Variants in TRIM54 observed in about 807,000 individuals in gnomAD.
The protein encoded by TRIM54 is tripartite motif-containing protein 54.
Under a neutral mutation model 42.0 loss-of-function variants are expected in TRIM54, and 40 were observed. That is an observed-to-expected ratio of 0.95 (90% CI 0.74 to 1.24). TRIM54 has a LOEUF of 1.24. Among genes scored for constraint, TRIM54 ranks in the 50% most tolerant of loss-of-function variants. The pLI is 0.00. For synonymous variants in TRIM54, 199 were observed against 194.9 expected (o/e 1.02, Z -0.17); for missense variants, 485 against 480.3 (o/e 1.01, Z -0.09).
rs554745768 is a variant in TRIM54 at position 27,298,614 on chromosome 2, A to G, written c.216A>G (p.Ser72=). 8 of 1,614,008 alleles carry G rather than the reference A, an allele frequency of 5.0e-6. No homozygotes were observed. The South Asian group carries it at 7.7e-5, about 16-fold the overall frequency. Reference sequence around the variant, plus strand: ...CCCGGGGCTCCACCACTGTGTCTTCAGGAGGCCGTTTCCGCTGCCCATCGT... The same window carrying G: ...CCCGGGGCTCCACCACTGTGTCTTCGGGAGGCCGTTTCCGCTGCCCATCGT... ...WQSRGSTTVS[S]GGRFRCPSCR... Residue 72 remains serine (S), a synonymous_variant, in exon 2 of 9, where the codon TCA becomes TCG. Coordinates refer to ENST00000380075, the MANE Select transcript of TRIM54 (RefSeq NM_187841.3).
Position 27,306,508 on chromosome 2 carries a change from G to T in TRIM54, c.1044G>T (p.Ala348=). 1 of 1,571,732 alleles carries T rather than the reference G, an allele frequency of 6.4e-7. No individual in the cohort carries two copies. Among genetic ancestry groups the T allele is most frequent in the East Asian group, 2.3e-5 (1 of 42,818 alleles). ...EVAPDGEEGS[A]GPEEERPDGP ...CCCCAGACGGAGAGGAGGGCAGCGCGGGGCCGGAGGAAGAGCGGCCGGATG... is the reference window on the plus strand; with the variant it reads ...CCCCAGACGGAGAGGAGGGCAGCGCTGGGCCGGAGGAAGAGCGGCCGGATG... The change falls in exon 8 of 9, where the codon GCG becomes GCT. Residue 348 remains alanine, a synonymous_variant. Transcript: ENST00000380075. The surrounding 1 kb of genome is among the most constrained non-coding windows in gnomAD (Gnocchi z 6.1).
rs144191579 is a variant in TRIM54, at chr2:27,298,708, A to C, written c.310A>C (p.Ile104Leu). 5 of 1,614,040 alleles carry C rather than the reference A, an allele frequency of 3.1e-6. No homozygotes were observed. Among genetic ancestry groups the C allele is most frequent in the East Asian group, 4.5e-5 (2 of 44,894 alleles). The change falls in exon 2 of 9, where the codon ATT becomes CTT. Residue 104 changes from isoleucine to leucine, a missense_variant. Coordinates refer to ENST00000380075, the MANE Select transcript of TRIM54 (RefSeq NM_187841.3). ...GLQRNLLVEN[I>L]IDIYKQESSR... ...GCAGCGAAACCTGCTAGTGGAGAAC[A>C]TTATCGACATTTACAAGCAGGAGTC...
rs57097129 is a variant in TRIM54 at position 27,294,889 on chromosome 2, C to CA, written c.169-3657dup. Among the ~76,000 whole-genome samples the CA allele has an allele frequency of 4.0e-3, 212 of 52,746 alleles. 8 individuals carry two copies. The highest frequency in any genetic ancestry group is 0.012 in the African/African-American group (171 of 13,836). The allele number at this position is 52,746 out of a possible 152,430, so 34.6% of individuals were successfully genotyped here. On this transcript the variant is annotated intron_variant, in intron 1 of 8. Transcript: ENST00000380075. ...TGGGCGACAGAGCAAGACTCCATCT[C>CA]AAAAAAAAAAAAAAAAAAAAAGAGT...
chr2:27,287,676 A>C lies in TRIM54; in HGVS notation c.168+4777A>C, dbSNP rs188580035. Among the ~76,000 whole-genome samples, 475 of 152,074 alleles carry C rather than the reference A, an allele frequency of 3.1e-3. 1 individual carries two copies. The highest frequency in any genetic ancestry group is 0.01 in the Middle Eastern group (3 of 294). On this transcript the variant is annotated intron_variant, in intron 1 of 8. Coordinates refer to ENST00000380075, the MANE Select transcript of TRIM54 (RefSeq NM_187841.3). ...GTAGCTAGGATTACAGGCATGTACC[A>C]CCACACTCAGCTAATTAAAAAAAAA...
chr2:27,283,770 A>ACGCGCGCGCGCACG (rs1487361341), intron 1 of TRIM54, among the ~76,000 whole-genome samples: 2 of 100,476 alleles, frequency 2.0e-5, no homozygotes, highest in South Asian at 7.9e-4. Flanking sequence ...AAAGGCACAC[A>ACGCGCGCGCGCACG]CACACACACG....
Position 27,289,701 on chromosome 2 carries a change from G to C in TRIM54, c.168+6802G>C, listed in dbSNP as rs927152822. Among the ~76,000 whole-genome samples the C allele has an allele frequency of 2.6e-5, 4 of 151,900 alleles. No individual in the cohort carries two copies. In the East Asian group the frequency reaches 7.7e-4, roughly 29 times the overall value. On this transcript the variant is annotated intron_variant, in intron 1 of 8. Transcript: ENST00000380075. ...TCTATGATATTAATATTTAATGAGG[G>C]GGATGGGAGCTATTGGGGGAAATGT...
In TRIM54 at chr2:27,298,591, C is replaced by T. The variant is rs367847502; in HGVS notation, c.193C>T (p.Arg65Trp). 2.0e-5 allele frequency: 33 copies of T among 1,613,940 alleles called. No individual in the cohort carries two copies. Among genetic ancestry groups the T allele is most frequent in the South Asian group, 3.3e-5 (3 of 91,074 alleles). ...FQASNPLWQSRGSTTVSSGGR... is the reference protein window; with the variant it reads ...FQASNPLWQSWGSTTVSSGGR... ...GGCCTCGAATCCTCTATGGCAGTCC[C>T]GGGGCTCCACCACTGTGTCTTCAGG... Residue 65 changes from arginine (R) to tryptophan (W), a missense_variant, in exon 2 of 9, where the codon CGG (arginine) becomes TGG (tryptophan). Physicochemically the swap from Arg to Trp is moderately radical, Grantham distance 101 (BLOSUM62 -3). Coordinates refer to ENST00000380075, the MANE Select transcript of TRIM54 (RefSeq NM_187841.3).
chr2:27,288,242 G>A (rs948845834), intron 1 of TRIM54, among the ~76,000 whole-genome samples: 2 of 152,206 alleles, frequency 1.3e-5, no homozygotes, highest in African/African-American at 4.8e-5. Context: ...AGGCCTTCAG[G>A]TTGAGGGAAA....
Position 27,294,163 on chromosome 2 carries a change from C to CT in TRIM54, c.169-4403dup, listed in dbSNP as rs544256399. Reference sequence around the variant, plus strand: ...TTTTGTTTTTGAGACAGGTCTCCCTCTGTCACCCATGCTGTAGTGCAGTGG... The same window carrying CT: ...TTTTGTTTTTGAGACAGGTCTCCCTCTTGTCACCCATGCTGTAGTGCAGTGG... On this transcript the variant is annotated intron_variant, in intron 1 of 8. Coordinates refer to ENST00000380075, the MANE Select transcript of TRIM54 (RefSeq NM_187841.3). Among the ~76,000 whole-genome samples, 24 of 152,230 alleles carry CT rather than the reference C, an allele frequency of 1.6e-4. No individual in the cohort carries two copies. The East Asian group carries it at 4.7e-3, about 30-fold the overall frequency.
chr2:27,287,241 C>T (rs2148188910), intron 1 of TRIM54, among the ~76,000 whole-genome samples: 1 of 152,250 alleles, frequency 6.6e-6, no homozygotes, highest in Middle Eastern at 3.4e-3. Context: ...CTCATTCTAT[C>T]ACCCAGGTTA....
rs1558579969 is a variant in TRIM54, at chr2:27,282,492, A to G, written c.-240A>G. 8.8e-6 allele frequency: 3 copies of G among 339,666 alleles called. No individual in the cohort carries two copies. Among genetic ancestry groups the G allele is most frequent in the South Asian group, 8.5e-5 (1 of 11,832 alleles). The allele number at this position is 339,666 out of a possible 1,614,324, so 21.0% of individuals were successfully genotyped here. On this transcript the variant is annotated 5_prime_UTR_variant, in exon 1 of 9. Coordinates refer to ENST00000380075, the MANE Select transcript of TRIM54 (RefSeq NM_187841.3). ...TTGGGAAACAAAAGGAGAATTTTAC[A>G]GAGAGAGAGGGATAGCTAAAACTAC... is the stretch of plus-strand genomic sequence containing the variant.
chr2:27,293,466 C>T (rs1461910244), intron 1 of TRIM54, among the ~76,000 whole-genome samples: 1 of 152,156 alleles, frequency 6.6e-6, no homozygotes, highest in Non-Finnish European at 1.5e-5. Flanking sequence ...CACACAGGTC[C>T]ATGGGAGGAG....
intron 1 of TRIM54, among the ~76,000 whole-genome samples, chr2:27,296,229 G>A (rs1403959475): frequency 3.3e-5 from 5 of 152,302 alleles, no homozygotes; most frequent in South Asian, 2.1e-4. Context: ...CTGCACACAC[G>A]CAAGGGGCCT....
chr2:27,306,464 G>C lies in TRIM54; in HGVS notation c.1000G>C (p.Gly334Arg). The change falls in exon 8 of 9, where the codon GGG becomes CGG. Residue 334 changes from glycine to arginine, a missense_variant. Physicochemically the swap from Gly to Arg is moderately radical, Grantham distance 125. Coordinates refer to ENST00000380075, the MANE Select transcript of TRIM54 (RefSeq NM_187841.3). This position sits in a 1 kb window ranked among gnomAD's most constrained non-coding sequence, Gnocchi z 6.1. ...RTIDFQPGAS[G>R]EEEEVAPDGE... ...GCCTTCCTTGGGCTCAGGCGCTTCC[G>C]GGGAGGAAGAGGAGGTGGCCCCAGA... is the stretch of plus-strand genomic sequence containing the variant. 1 of 1,596,208 alleles carries C rather than the reference G, an allele frequency of 6.3e-7. No homozygotes were observed. The highest frequency in any genetic ancestry group is 8.5e-7 in the Non-Finnish European group (1 of 1,171,228).
chr2:27,293,104 G>T (rs189272290), intron 1 of TRIM54, among the ~76,000 whole-genome samples: 1 of 152,176 alleles, frequency 6.6e-6, no homozygotes, highest in African/African-American at 2.4e-5. Flanking sequence ...TCTGTCCCTT[G>T]TTTGTCAAGC....
chr2:27,283,011 G>A, intron 1 of TRIM54, 112 bp downstream of exon 1: 2 of 1,243,558 alleles, frequency 1.6e-6, no homozygotes, highest in Non-Finnish European at 2.2e-6. Context: ...CTCTGAGGTG[G>A]GTGGTGGCTG....
Position 27,306,095 on chromosome 2 carries a change from A to G in TRIM54, c.859A>G (p.Ile287Val). Residue 287 changes from isoleucine to valine, a missense_variant, in exon 6 of 9, where the codon ATC becomes GTC. Coordinates refer to ENST00000380075, the MANE Select transcript of TRIM54 (RefSeq NM_187841.3). This position sits in a 1 kb window ranked among gnomAD's most constrained non-coding sequence, Gnocchi z 6.1. ...TTCCCTGCAGCAGGCCAAGGAGCTG[A>G]TCAATAAGTGAGTAGGCATAGCGGG... ...ALYLQQAKELINKVGAMSKVE... is the reference protein window; with the variant it reads ...ALYLQQAKELVNKVGAMSKVE... 6.2e-7 allele frequency: 1 copy of G among 1,613,870 alleles called. No individual in the cohort carries two copies. Among genetic ancestry groups the G allele is most frequent in the Non-Finnish European group, 8.5e-7 (1 of 1,180,032 alleles).
At chr2:27,289,256 A>G (rs1678655485) in intron 1 of TRIM54, among the ~76,000 whole-genome samples, 2 of 152,232 alleles carry the variant, frequency 1.3e-5, no homozygotes, top group Admixed American at 6.5e-5. Flanking sequence ...ACATATGGTT[A>G]TAAAGGAAAC....
At chr2:27,296,717 A>G (rs1395390836) in intron 1 of TRIM54, among the ~76,000 whole-genome samples, 1 of 152,154 alleles carries the variant, frequency 6.6e-6, no homozygotes, top group Non-Finnish European at 1.5e-5. Context: ...AGCACAGCCA[A>G]TTGGCCACAC....
Sources: allele counts gnomAD v4.1 joint callset (sites outside exome capture counted in the v4.1 genomes callset), GRCh38; gene constraint gnomAD v4.1.1; non-coding constraint Gnocchi (gnomAD v3.1); transcripts MANE v1.5; gene names NCBI Gene and HGNC (gene_info 2026-07-23, HGNC 2026-07-21).